The following ACACB variants were observed in gnomAD, a reference collection of about 807,000 sequenced individuals.
ACACB encodes acetyl-CoA carboxylase beta.
Under a neutral mutation model 278.8 loss-of-function variants are expected in ACACB, and 209 were observed. The ratio of observed to expected loss-of-function variants is 0.75; its 90% CI spans 0.67 to 0.84. ACACB has a LOEUF of 0.84. Ranked by LOEUF, ACACB falls within the 40% of genes least tolerant of loss-of-function variation. ACACB has a pLI of 0.00. For synonymous variants in ACACB, 1,174 were observed against 1,285.6 expected, an observed-to-expected ratio of 0.91 and a Z score of 1.86; for missense variants, 2,850 against 3,269.0, an observed-to-expected ratio of 0.87 and a Z score of 3.13.
In ACACB at chr12:109,136,557, A is replaced by G. The variant is rs143594556; in HGVS notation, c.-9-2840A>G. ...AATAATAGAAAAAGGAAACATTGAAATTAAACATATTTATTTCTAGGTGTT... is the reference window on the plus strand; with the variant it reads ...AATAATAGAAAAAGGAAACATTGAAGTTAAACATATTTATTTCTAGGTGTT... On this transcript the variant is annotated intron_variant, in intron 1 of 52. Transcript: ENST00000338432. Among the ~76,000 whole-genome samples the G allele has an allele frequency of 1.8e-3, 279 of 152,344 alleles. 2 individuals are homozygous for G. Among genetic ancestry groups the G allele is most frequent in the Middle Eastern group, 0.01 (3 of 294 alleles).
At position 109,262,399 on chromosome 12, in the gene ACACB, C is replaced by T; in HGVS notation, c.6717C>T (p.Phe2239=). 6.2e-7 allele frequency: 1 copy of T among 1,613,600 alleles called. No homozygotes were observed. The highest frequency in any genetic ancestry group is 8.5e-7 in the Non-Finnish European group (1 of 1,179,818). ...CAGAGGGGACAGTGGAGATTAAGTT[C>T]CGAAAGAAAGATCTGATAAAGTCCA... ...LEPEGTVEIK[F]RKKDLIKSMR... The change falls in exon 49 of 53, where the codon TTC becomes TTT. Residue 2239 remains phenylalanine (F), a synonymous_variant. Transcript: ENST00000338432.
At chr12:109,222,764 G>A (rs1237291688) in intron 25 of ACACB, 35 bp from the exon 26 acceptor site, 9 of 1,585,644 alleles carry the variant, frequency 5.7e-6, no homozygotes, top group Non-Finnish European at 7.8e-6. Context: ...CTGGGAGGTT[G>A]GCTCACGCCA....
At chr12:109,262,982 A>ATATATATATATATATATATATATT (rs1168270528) in intron 49 of ACACB, 2 of 137,636 alleles carry the variant, frequency 1.5e-5, no homozygotes, top group African/African-American at 5.3e-5. Flanking sequence ...ATATATATAT[A>ATATATATATATATATATATATATT]TTGCCATCGT....
intron 9 of ACACB, among the ~76,000 whole-genome samples, 166 bp downstream of exon 9, chr12:109,176,429 A>G (rs2044285823): frequency 6.6e-6 from 1 of 152,190 alleles, no homozygotes; most frequent in Non-Finnish European, 1.5e-5. Context: ...TTTTACTCAG[A>G]AAAGCCCATG....
Position 109,185,888 on chromosome 12 carries a change from C to T in ACACB, c.1980+148C>T, listed in dbSNP as rs550599769. On this transcript the variant is annotated intron_variant, in intron 12 of 52. Coordinates refer to ENST00000338432, the MANE Select transcript of ACACB (RefSeq NM_001093.4). The stretch of plus-strand genomic sequence containing the variant: ...AAACTGAGGCATGGGAAGGGACATC[C>T]CATGGTTTATTTGATTATTGGATTT... The T allele has an allele frequency of 3.6e-4, 245 of 676,036 alleles. 1 individual carries two copies. In the African/African-American group the frequency reaches 4.2e-3, roughly 12 times the overall value. The allele number at this position is 676,036 out of a possible 1,614,324, so 41.9% of individuals were successfully genotyped here. A position where few individuals can be genotyped will look rare whatever the true frequency, so the allele number is the denominator to read the frequency against.
rs373328609 is a variant in ACACB at position 109,259,002 on chromosome 12, C to G, written c.6390C>G (p.Phe2130Leu). The part of the protein sequence containing the change: ...KIIQQAGQVW[F>L]PDSAYKTAQA... ...TTCAGCAGGCAGGACAGGTGTGGTT[C>G]CCAGACTCAGCCTACAAAACCGCCC... Residue 2130 changes from phenylalanine (F) to leucine (L), a missense_variant, in exon 47 of 53, where the codon TTC becomes TTG. Around this residue, in one of 3 missense-constraint regions of ACACB, gnomAD observed 579 missense variants for 684.6 expected, o/e 0.85. Transcript: ENST00000338432. 8.1e-6 allele frequency: 13 copies of G among 1,614,054 alleles called. No individual in the cohort carries two copies. In the African/African-American group the frequency reaches 1.5e-4, roughly 18 times the overall value.
At chr12:109,218,893 T>A (rs1013680719) in intron 24 of ACACB, among the ~76,000 whole-genome samples, 19 of 151,822 alleles carry the variant, frequency 1.3e-4, no homozygotes, top group African/African-American at 4.1e-4. Context: ...CTCAGCCTCG[T>A]TTAGCTGGGA....
rs548881441 is a variant in ACACB at position 109,120,507 on chromosome 12, G to A, written c.-10+3803G>A. On this transcript the variant is annotated intron_variant, in intron 1 of 52. Transcript: ENST00000338432. ...TGGAGTGGATGAGGTTCACAGGCTCGAGCTCTTGAGCAGGGGGCAAGGGGT... is the reference window on the plus strand; with the variant it reads ...TGGAGTGGATGAGGTTCACAGGCTCAAGCTCTTGAGCAGGGGGCAAGGGGT... Among the ~76,000 whole-genome samples, 19 of 152,230 alleles carry A rather than the reference G, an allele frequency of 1.2e-4. No homozygotes were observed. The South Asian group carries it at 1.5e-3, about 12-fold the overall frequency.
intron 17 of ACACB, among the ~76,000 whole-genome samples, chr12:109,197,564 C>A (rs970423183): frequency 1.3e-5 from 2 of 152,108 alleles, no homozygotes; most frequent in African/African-American, 4.8e-5. Flanking sequence ...GGGTGTGACT[C>A]GTGGAGCTTC....
intron 2 of ACACB, among the ~76,000 whole-genome samples, chr12:109,156,586 T>C (rs1400102542): frequency 2.5e-5 from 2 of 81,120 alleles, no homozygotes; most frequent in South Asian, 4.7e-4. Context: ...TGTTTCTCTC[T>C]GTTTTTTTTT....
At chr12:109,147,701 TATCTGCTAAATACATGAATGA>T (rs2043277437) in intron 2 of ACACB, among the ~76,000 whole-genome samples, 1 of 152,138 alleles carries the variant, frequency 6.6e-6, no homozygotes, top group Non-Finnish European at 1.5e-5. Context: ...AGGCTTTGAA[TATCTGCTAAATACATGAATGA>T]AATGAGCTGC....
Position 109,210,752 on chromosome 12 carries a change from T to TA in ACACB, c.3249+1411dup, listed in dbSNP as rs112904520. 4.6e-3 allele frequency among the ~76,000 whole-genome samples: 661 copies of TA among 143,446 alleles called. 6 individuals carry two copies. Among genetic ancestry groups the TA allele is most frequent in the African/African-American group, 0.015 (590 of 39,532 alleles). The allele number at this position is 143,446 out of a possible 152,430, so 94.1% of individuals were successfully genotyped here. A position where few individuals can be genotyped will look rare whatever the true frequency, so the allele number is the denominator to read the frequency against. ...CAACATGGTGAAACCCCATCTATACTAAAAAAAAAAAATTAGCTGGGCGTG... is the reference window on the plus strand; with the variant it reads ...CAACATGGTGAAACCCCATCTATACTAAAAAAAAAAAAATTAGCTGGGCGTG... On this transcript the variant is annotated intron_variant, in intron 21 of 52. Transcript: ENST00000338432.
intron 2 of ACACB, among the ~76,000 whole-genome samples, chr12:109,147,952 T>G (rs2043283561): frequency 6.6e-6 from 1 of 152,222 alleles, no homozygotes. Context: ...CTTGTGACTT[T>G]GGAGACTAGT....
Position 109,139,460 on chromosome 12 carries a change from T to C in ACACB, c.55T>C (p.Trp19Arg). ...GATTTTCTCCTGTCTGACCTTTTCCTGGTTAAAAATCTGGGGGAAAATGAC... is the reference window on the plus strand; with the variant it reads ...GATTTTCTCCTGTCTGACCTTTTCCCGGTTAAAAATCTGGGGGAAAATGAC... The part of the protein sequence containing the change: ...CLIFSCLTFS[W>R]LKIWGKMTDS... The change falls in exon 2 of 53, where the codon TGG (tryptophan) becomes CGG (arginine). Residue 19 changes from tryptophan to arginine, a missense_variant. By Grantham distance (101) the Trp-to-Arg change is moderately radical. Transcript: ENST00000338432. 6.2e-7 allele frequency: 1 copy of C among 1,614,176 alleles called. No individual in the cohort carries two copies. The highest frequency in any genetic ancestry group is 8.5e-7 in the Non-Finnish European group (1 of 1,180,038).
chr12:109,178,600 A>G (rs1247706209), intron 9 of ACACB, among the ~76,000 whole-genome samples: 1 of 152,188 alleles, frequency 6.6e-6, no homozygotes, highest in Non-Finnish European at 1.5e-5. Flanking sequence ...GCAGGTAGTG[A>G]CTATTGGGCT....
At chr12:109,126,700 AT>A in intron 1 of ACACB, among the ~76,000 whole-genome samples, 1 of 151,062 alleles carries the variant, frequency 6.6e-6, no homozygotes, top group East Asian at 2.1e-4. Context: ...CACAAAAAAA[AT>A]AAAAAATAAA....
At chr12:109,136,476 G>C (rs1164149098) in intron 1 of ACACB, among the ~76,000 whole-genome samples, 1 of 152,076 alleles carries the variant, frequency 6.6e-6, no homozygotes, top group Admixed American at 6.6e-5. Context: ...TCAGTGTGCA[G>C]GTCTTTCACT....
chr12:109,185,475 T>C lies in ACACB; in HGVS notation c.1819-104T>C, dbSNP rs191241560. On this transcript the variant is annotated intron_variant, in intron 11 of 52. Coordinates refer to ENST00000338432, the MANE Select transcript of ACACB (RefSeq NM_001093.4). ...TCTATAGAGTAGTGTCTGTATATCC[T>C]AAATCATTGACTGAACCTCCGTTGC... is the stretch of plus-strand genomic sequence containing the variant. The C allele has an allele frequency of 5.0e-4, 633 of 1,276,162 alleles. 1 individual carries two copies. The highest frequency in any genetic ancestry group is 1.4e-3 in the Admixed American group (71 of 52,562). 79.1% of individuals were successfully genotyped at this position (1,276,162 alleles called of 1,614,324 possible).
intron 1 of ACACB, among the ~76,000 whole-genome samples, chr12:109,123,068 C>G (rs182703165): frequency 6.6e-6 from 1 of 151,706 alleles, no homozygotes; most frequent in Non-Finnish European, 1.5e-5. Context: ...GTAGTCCCAG[C>G]TACTCAGGAG....
Sources: gnomAD v4.1 joint callset for allele counts (sites outside exome capture counted in the v4.1 genomes callset) on GRCh38, gnomAD v4.1.1 for gene constraint, gnomAD v4.1.1 regional missense constraint, MANE v1.5 for transcripts, NCBI Gene and HGNC (gene_info 2026-07-23, HGNC 2026-07-21) for gene names.